The following FXN variants were observed in gnomAD, a reference collection of about 807,000 sequenced individuals.
FXN encodes the protein frataxin.
A neutral mutation model predicts 22.4 loss-of-function variants in FXN; 14 were observed. That is an observed-to-expected ratio of 0.62 (90% CI 0.41 to 0.98). The LOEUF is 0.98. Ranked by LOEUF, FXN falls within the 50% of genes least tolerant of loss-of-function variation. The probability of loss-of-function intolerance (pLI) is 0.00; values close to 1 mark genes in which losing one functional copy is unlikely to be tolerated. For synonymous variants in FXN, 120 were observed against 114.1 expected (o/e 1.05, Z -0.33); for missense variants, 267 against 268.4 (o/e 0.99, Z 0.04).
chr9:69,071,114 C>T, intron 4 of FXN: 10 of 502,858 alleles, frequency 2.0e-5, no homozygotes, highest in South Asian at 1.4e-4. Context: ...AGTGCCTGTG[C>T]TCAGAGCACC....
chr9:69,040,796 A>C (rs1369650367), intron 1 of FXN, among the ~76,000 whole-genome samples: 1 of 152,192 alleles, frequency 6.6e-6, no homozygotes, highest in Non-Finnish European at 1.5e-5. Context: ...TGATATTAGG[A>C]GGTGGGGCCC....
At chr9:69,043,541 C>T (rs372043754) in intron 1 of FXN, 1 of 152,214 alleles carries the variant, frequency 6.6e-6, no homozygotes, top group East Asian at 1.9e-4. Flanking sequence ...ACCTCGGCCT[C>T]CTGAGTAGCT....
At chr9:69,065,060 A>G in intron 4 of FXN, 25 bp downstream of exon 4, 3 of 1,546,182 alleles carry the variant, frequency 1.9e-6, no homozygotes, top group Non-Finnish European at 2.7e-6. Context: ...TCAGAAGTCA[A>G]CATATGTAAT....
At chr9:69,057,964 G>A (rs1016723526) in intron 3 of FXN, among the ~76,000 whole-genome samples, 18 of 152,316 alleles carry the variant, frequency 1.2e-4, no homozygotes, top group African/African-American at 4.3e-4. Flanking sequence ...ACAGTGCCAA[G>A]TACATAGTAG....
At chr9:69,072,484 C>CTG (rs3066313) in intron 4 of FXN, 128 bp from the exon 5 acceptor site, 712,864 of 1,524,166 alleles carry the variant, frequency 0.47, 169,859 homozygotes, top group East Asian at 0.62. Flanking sequence ...CAGATATACA[C>CTG]TAGCTCATTT....
chr9:69,058,206 C>T (rs1464330535), intron 3 of FXN, among the ~76,000 whole-genome samples: 1 of 152,074 alleles, frequency 6.6e-6, no homozygotes, highest in Non-Finnish European at 1.5e-5. Flanking sequence ...GTCCAGGTAA[C>T]AGGTGGATGC....
Position 69,072,661 on chromosome 9 carries a change from G to A in FXN, c.532G>A (p.Asp178Asn), listed in dbSNP as rs777926714. 7.4e-6 allele frequency: 12 copies of A among 1,613,992 alleles called. No individual in the cohort carries two copies. The highest frequency in any genetic ancestry group is 6.7e-5 in the East Asian group (3 of 44,900). ...WTGKNWVYSH[D>N]GVSLHELLAA... is the part of the protein sequence containing the mutation. Reference sequence around the variant, plus strand: ...TGGGAAAAACTGGGTGTACTCCCACGACGGCGTGTCCCTCCATGAGCTGCT... The same window carrying A: ...TGGGAAAAACTGGGTGTACTCCCACAACGGCGTGTCCCTCCATGAGCTGCT... Residue 178 changes from aspartate (D) to asparagine (N), a missense_variant, in exon 5 of 5, where the codon GAC (aspartate) becomes AAC (asparagine). Physicochemically the swap from Asp to Asn is conservative, Grantham distance 23 (BLOSUM62 1). Transcript: ENST00000484259.
intron 3 of FXN, among the ~76,000 whole-genome samples, chr9:69,055,502 T>C (rs1564334326): frequency 6.6e-6 from 1 of 151,852 alleles, no homozygotes; most frequent in African/African-American, 2.4e-5. Flanking sequence ...TCTTCTTTTT[T>C]TTTTTTTTTG....
rs1832329553 is a variant in FXN, at chr9:69,074,418, C to T, written c.*1656C>T. The T allele has an allele frequency of 3.1e-6, 3 of 981,670 alleles. No homozygotes were observed. Among genetic ancestry groups the T allele is most frequent in the Admixed American group, 1.2e-4 (2 of 16,228 alleles). 60.8% of individuals were successfully genotyped at this position (981,670 alleles called of 1,614,324 possible). A position where few individuals can be genotyped will look rare whatever the true frequency, so the allele number is the denominator to read the frequency against. On this transcript the variant is annotated 3_prime_UTR_variant, in exon 5 of 5. Transcript: ENST00000484259. ...GCATGGTGGCGTGCACCTGTAATCC[C>T]AGGTACTCAGGAGGCTGAGACGGGA...
rs35159671 is a variant in FXN at position 69,059,391 on chromosome 9, C to CTTTTTTTTTTTT, written c.385-5531_385-5520dup. Among the ~76,000 whole-genome samples the CTTTTTTTTTTTT allele has an allele frequency of 3.0e-4, 19 of 62,996 alleles. 4 individuals are homozygous for CTTTTTTTTTTTT. Among genetic ancestry groups the CTTTTTTTTTTTT allele is most frequent in the Non-Finnish European group, 3.7e-4 (14 of 37,984 alleles). The allele number at this position is 62,996 out of a possible 152,430, so 41.3% of individuals were successfully genotyped here. On this transcript the variant is annotated intron_variant, in intron 3 of 4. Coordinates refer to ENST00000484259, the MANE Select transcript of FXN (RefSeq NM_000144.5). ...AAAAACCCCTGCTCAGAGGCAGCATCTTTTTTTTTTTTTTTTTTTTTTTTT... is the reference window on the plus strand; with the variant it reads ...AAAAACCCCTGCTCAGAGGCAGCATCTTTTTTTTTTTTTTTTTTTTTTTTTTTTTTTTTTTTT...
rs1832329855 is a variant in FXN, at chr9:69,074,433, CT to C, written c.*1672del. 1.1e-5 allele frequency: 11 copies of C among 979,480 alleles called. No homozygotes were observed. In the South Asian group the frequency reaches 4.3e-4, roughly 38 times the overall value. The allele number at this position is 979,480 out of a possible 1,614,324, so 60.7% of individuals were successfully genotyped here. A position where few individuals can be genotyped will look rare whatever the true frequency, so the allele number is the denominator to read the frequency against. On this transcript the variant is annotated 3_prime_UTR_variant, in exon 5 of 5. Coordinates refer to ENST00000484259, the MANE Select transcript of FXN (RefSeq NM_000144.5). ...CCTGTAATCCCAGGTACTCAGGAGG[CT>C]GAGACGGGAGAATTGCTTGACCCCA...
chr9:69,061,340 G>C (rs985136305), intron 3 of FXN, among the ~76,000 whole-genome samples: 1 of 152,100 alleles, frequency 6.6e-6, no homozygotes, highest in African/African-American at 2.4e-5. Flanking sequence ...GAGACATCAA[G>C]GCAGACAGGC....
chr9:69,074,639 C>T lies in FXN; in HGVS notation c.*1877C>T. On this transcript the variant is annotated 3_prime_UTR_variant, in exon 5 of 5. Transcript: ENST00000484259. ...GTCAAGCTGGGAGCAGTGGCATATACCTATAGTCCCAGCTGCACAGGAGGC... is the reference window on the plus strand; with the variant it reads ...GTCAAGCTGGGAGCAGTGGCATATATCTATAGTCCCAGCTGCACAGGAGGC... 2.0e-6 allele frequency: 2 copies of T among 985,018 alleles called. No homozygotes were observed. The highest frequency in any genetic ancestry group is 2.4e-6 in the Non-Finnish European group (2 of 829,710). 61.0% of individuals were successfully genotyped at this position (985,018 alleles called of 1,614,324 possible).
At chr9:69,057,190 C>G (rs1267400183) in intron 3 of FXN, among the ~76,000 whole-genome samples, 1 of 152,186 alleles carries the variant, frequency 6.6e-6, no homozygotes, top group Non-Finnish European at 1.5e-5. Flanking sequence ...ATGGCCAAAA[C>G]TTAAAATTTT....
chr9:69,047,100 C>T (rs1180617276), intron 2 of FXN, among the ~76,000 whole-genome samples: 2 of 152,156 alleles, frequency 1.3e-5, no homozygotes, highest in African/African-American at 2.4e-5. Context: ...TGGAAAAAGC[C>T]GGCACGGCAT....
At chr9:69,052,293 T>C (rs1396642546) in intron 2 of FXN, among the ~76,000 whole-genome samples, 5 of 151,650 alleles carry the variant, frequency 3.3e-5, no homozygotes, top group Non-Finnish European at 7.4e-5. Context: ...AGCTGGGAAC[T>C]ACAGGCGTGC....
Position 69,072,640 on chromosome 9 carries a change from A to G in FXN, c.511A>G (p.Lys171Glu), listed in dbSNP as rs1280128357. ...ACCTAAGCGTTATGACTGGACTGGG[A>G]AAAACTGGGTGTACTCCCACGACGG... ...SGPKRYDWTG[K>E]NWVYSHDGVS... is the part of the protein sequence containing the mutation. Residue 171 changes from lysine (K) to glutamate (E), a missense_variant, in exon 5 of 5, where the codon AAA becomes GAA. By Grantham distance (56) the Lys-to-Glu change is moderately conservative. Coordinates refer to ENST00000484259, the MANE Select transcript of FXN (RefSeq NM_000144.5). The G allele has an allele frequency of 3.1e-6, 5 of 1,614,136 alleles. No homozygotes were observed. Among genetic ancestry groups the G allele is most frequent in the Non-Finnish European group, 4.2e-6 (5 of 1,180,032 alleles).
intron 4 of FXN, among the ~76,000 whole-genome samples, chr9:69,071,952 A>G (rs1396983908): frequency 6.6e-6 from 1 of 152,234 alleles, no homozygotes; most frequent in African/African-American, 2.4e-5. Context: ...AGTAATCTGG[A>G]GATGACTTAA....
At position 69,073,481 on chromosome 9, in the gene FXN, A is replaced by G; in HGVS notation, c.*719A>G. On this transcript the variant is annotated 3_prime_UTR_variant, in exon 5 of 5. Transcript: ENST00000484259. ...GAATGCAAAAAATCTTCCAAAGACA[A>G]GAAAAGAGGAAAAAAAGCCGTTTTC... is the stretch of plus-strand genomic sequence containing the variant. The G allele has an allele frequency of 4.1e-6, 4 of 985,520 alleles. No homozygotes were observed. The highest frequency in any genetic ancestry group is 4.8e-6 in the Non-Finnish European group (4 of 830,010). 61.0% of individuals were successfully genotyped at this position (985,520 alleles called of 1,614,324 possible). A position where few individuals can be genotyped will look rare whatever the true frequency, so the allele number is the denominator to read the frequency against.
Sources: allele counts gnomAD v4.1 joint callset (sites outside exome capture counted in the v4.1 genomes callset), GRCh38; gene constraint gnomAD v4.1.1; transcripts MANE v1.5; gene names NCBI Gene and HGNC (gene_info 2026-07-23, HGNC 2026-07-21).